The following EFL1 variants were observed in gnomAD, a reference collection of about 807,000 sequenced individuals.
EFL1 encodes the protein elongation factor-like GTPase 1.
In EFL1, 76 loss-of-function variants were observed where a neutral mutation model predicts 126.7. The ratio of observed to expected loss-of-function variants is 0.60; its 90% CI spans 0.50 to 0.73. The LOEUF (loss-of-function observed/expected upper bound fraction) is 0.73. Among genes scored for constraint, EFL1 ranks in the 30% least tolerant of loss-of-function variants. The pLI, the probability that EFL1 is intolerant of heterozygous loss-of-function variation, is 0.00. For missense variants in EFL1, 1,128 were observed against 1,343.2 expected (o/e 0.84, Z 2.50); for synonymous variants, 410 against 448.4 (o/e 0.91, Z 1.08).
intron 15 of EFL1, among the ~76,000 whole-genome samples, chr15:82,179,175 C>T (rs1486077226): frequency 6.6e-6 from 1 of 151,898 alleles, no homozygotes; most frequent in African/African-American, 2.4e-5. Context: ...AAAAGAATGG[C>T]TCATTGGATT....
intron 18 of EFL1, among the ~76,000 whole-genome samples, chr15:82,147,298 C>T (rs902969006): frequency 2.0e-5 from 3 of 152,174 alleles, no homozygotes; most frequent in Middle Eastern, 3.4e-3. Context: ...CTTGAGAGCA[C>T]GGATAGGCAC....
chr15:82,142,073 T>C (rs866170850), intron 18 of EFL1, among the ~76,000 whole-genome samples: 3 of 152,208 alleles, frequency 2.0e-5, no homozygotes, highest in Admixed American at 6.5e-5. Flanking sequence ...AAATGTGCCA[T>C]TGTCATCACT....
chr15:82,151,384 T>C, intron 18 of EFL1, 81 bp downstream of exon 18: 1 of 1,355,746 alleles, frequency 7.4e-7, no homozygotes, highest in South Asian at 1.4e-5. Context: ...TGAGACCCTG[T>C]CTCAAAAACA....
At chr15:82,221,680 T>C (rs1030902157) in intron 12 of EFL1, among the ~76,000 whole-genome samples, 10 of 152,086 alleles carry the variant, frequency 6.6e-5, no homozygotes, top group African/African-American at 2.4e-4. Context: ...TGAGAAACAA[T>C]CCTTGAGCCT....
chr15:82,141,204 ATACTTCAAG>A lies in EFL1; in HGVS notation c.2990-2371_2990-2363del, dbSNP rs2073782987. ...ATTTGGTACCCGGAAATGAAAAACA[ATACTTCAAG>A]TATAGTCTGAAAAGGTCCCAAAACA... is the stretch of plus-strand genomic sequence containing the variant. On this transcript the variant is annotated intron_variant, in intron 18 of 19. Coordinates refer to ENST00000268206, the MANE Select transcript of EFL1 (RefSeq NM_024580.6). Among the ~76,000 whole-genome samples the A allele has an allele frequency of 2.0e-5, 3 of 152,188 alleles. No homozygotes were observed. In the South Asian group the frequency reaches 6.2e-4, roughly 32 times the overall value.
chr15:82,151,639 C>A lies in EFL1; in HGVS notation c.2815G>T (p.Glu939Ter), dbSNP rs764342861. The A allele has an allele frequency of 6.2e-7, 1 of 1,614,156 alleles. No homozygotes were observed. Among genetic ancestry groups the A allele is most frequent in the Non-Finnish European group, 8.5e-7 (1 of 1,180,020 alleles). ...ELQDGCSEAF[E>*]KRTSQKGESP... is the part of the protein sequence containing the mutation. The stretch of plus-strand genomic sequence containing the variant: ...TCTCCTTTCTGTGATGTCCTCTTCT[C>A]AAAGGCCTCAGAGCAGCCATCTTGT... The change falls in exon 18 of 20, where the codon GAG becomes TAG. Residue 939 changes from glutamate to a stop codon, truncating the protein, a stop_gained. Transcript: ENST00000268206. LOFTEE classifies it high-confidence loss of function.
intron 7 of EFL1, 106 bp downstream of exon 7, chr15:82,238,201 C>A: frequency 3.2e-6 from 4 of 1,244,940 alleles, no homozygotes; most frequent in Non-Finnish European, 4.4e-6. Flanking sequence ...TTATCTCTTA[C>A]AACTATAGGT....
intron 15 of EFL1, among the ~76,000 whole-genome samples, chr15:82,210,662 G>C (rs561901808): frequency 1.3e-5 from 2 of 152,080 alleles, no homozygotes; most frequent in Non-Finnish European, 2.9e-5. Flanking sequence ...AGGAGTTCAA[G>C]AGCAGCCTGG....
intron 15 of EFL1, among the ~76,000 whole-genome samples, chr15:82,209,393 C>T (rs773386786): frequency 4.0e-5 from 6 of 151,594 alleles, no homozygotes; most frequent in Non-Finnish European, 8.8e-5. Flanking sequence ...AGCAACCAAC[C>T]ATGGCAGACC....
rs2074432564 is a variant in EFL1 at position 82,198,404 on chromosome 15, G to C, written c.1750+16313C>G. Among the ~76,000 whole-genome samples the C allele has an allele frequency of 2.0e-5, 3 of 152,296 alleles. No individual in the cohort carries two copies. The South Asian group carries it at 6.2e-4, about 32-fold the overall frequency. On this transcript the variant is annotated intron_variant, in intron 15 of 19. Coordinates refer to ENST00000268206, the MANE Select transcript of EFL1 (RefSeq NM_024580.6). ...TGGACCTCTCCCGAGGCACAGCCAA[G>C]TGAGCTAGTCCTCATGGATCCAATC...
chr15:82,148,910 C>A (rs935431314), intron 18 of EFL1, among the ~76,000 whole-genome samples: 2 of 151,824 alleles, frequency 1.3e-5, no homozygotes, highest in East Asian at 3.8e-4. Context: ...CATGTTTATA[C>A]AAGTATGAGG....
intron 3 of EFL1, among the ~76,000 whole-genome samples, chr15:82,255,049 TTC>T: frequency 6.6e-6 from 1 of 152,316 alleles, no homozygotes; most frequent in South Asian, 2.1e-4. Context: ...CCAGTAGAAT[TTC>T]TGAGTTATTA....
In EFL1 at chr15:82,228,262, C is replaced by T. The variant is rs993776666; in HGVS notation, c.998G>A (p.Arg333Gln). ...LGLKIGAREA[R>Q]HSDPKVQINA... ...GATCTGAACTTTAGGGTCTGAATGT[C>T]GTGCCTCCCGGGCTCCAATTTTTAA... The change falls in exon 10 of 20, where the codon CGA (arginine) becomes CAA (glutamine). Residue 333 changes from arginine to glutamine, a missense_variant. By Grantham distance (43) the Arg-to-Gln change is conservative. Transcript: ENST00000268206. The T allele has an allele frequency of 3.1e-6, 5 of 1,613,894 alleles. No individual in the cohort carries two copies. The African/African-American group carries it at 4.0e-5, about 13-fold the overall frequency.
chr15:82,231,084 C>T, intron 7 of EFL1, 113 bp from the exon 8 acceptor site: 1 of 1,282,126 alleles, frequency 7.8e-7, no homozygotes, highest in Admixed American at 2.6e-5. Flanking sequence ...CAGTATCCTA[C>T]AAAATTTCCT....
intron 4 of EFL1, among the ~76,000 whole-genome samples, chr15:82,252,408 T>A (rs1203273734): frequency 6.6e-6 from 1 of 152,184 alleles, no homozygotes; most frequent in Non-Finnish European, 1.5e-5. Context: ...CTGAACCAGC[T>A]AAAGTCCTAG....
chr15:82,130,294 A>C lies in EFL1; in HGVS notation c.*79T>G. On this transcript the variant is annotated 3_prime_UTR_variant, in exon 20 of 20. Coordinates refer to ENST00000268206, the MANE Select transcript of EFL1 (RefSeq NM_024580.6). ...GAATAAACAGAGATAATGTGGCAAA[A>C]AGAAATTTTCCCAATATTAAACCCT... 6.8e-7 allele frequency: 1 copy of C among 1,470,114 alleles called. No homozygotes were observed. Among genetic ancestry groups the C allele is most frequent in the South Asian group, 1.4e-5 (1 of 73,032 alleles). 91.1% of individuals were successfully genotyped at this position (1,470,114 alleles called of 1,614,324 possible).
intron 15 of EFL1, among the ~76,000 whole-genome samples, chr15:82,200,960 G>A (rs908072169): frequency 1.7e-4 from 26 of 152,110 alleles, no homozygotes; most frequent in Non-Finnish European, 3.1e-4. Flanking sequence ...ACAGCTCACT[G>A]TAGCTCCAAC....
chr15:82,233,973 C>G (rs183942287), intron 7 of EFL1, among the ~76,000 whole-genome samples: 104 of 152,314 alleles, frequency 6.8e-4, no homozygotes, highest in African/African-American at 2.4e-3. Flanking sequence ...TTGTTGAGAA[C>G]AGACAGTAGC....
chr15:82,201,698 CAAA>C (rs57664245), intron 15 of EFL1, among the ~76,000 whole-genome samples: 19,710 of 97,510 alleles, frequency 0.2, 1,306 homozygotes, highest in South Asian at 0.35. Flanking sequence ...TAACTTCTTG[CAAA>C]AAAAAAAAAA....
Sources: gnomAD v4.1 joint callset for allele counts (sites outside exome capture counted in the v4.1 genomes callset) on GRCh38, gnomAD v4.1.1 for gene constraint, MANE v1.5 for transcripts, NCBI Gene and HGNC (gene_info 2026-07-23, HGNC 2026-07-21) for gene names.